SERINC5: variants seen among roughly 807,000 people sequenced by gnomAD.
The protein encoded by SERINC5 is serine incorporator 5, also known as chromosome 5 open reading frame 12.
A neutral mutation model predicts 63.1 loss-of-function variants in SERINC5; 41 were observed. The observed-to-expected ratio is 0.65, with a 90% CI of 0.51 to 0.84. SERINC5 has a LOEUF of 0.84. Ranked by LOEUF, SERINC5 falls within the 40% of genes least tolerant of loss-of-function variation. The probability of loss-of-function intolerance (pLI) is 0.00; values close to 1 mark genes in which losing one functional copy is unlikely to be tolerated. For synonymous variants in SERINC5, 222 were observed against 215.2 expected (o/e 1.03, Z -0.28); for missense variants, 523 against 573.0 (o/e 0.91, Z 0.89).
At chr5:80,152,545 G>C (rs1746256473) in intron 8 of SERINC5, among the ~76,000 whole-genome samples, 1 of 151,690 alleles carries the variant, frequency 6.6e-6, no homozygotes, top group Admixed American at 6.6e-5. Context: ...TTTTGATTTA[G>C]TACAGTGTAT....
At chr5:80,116,634 C>T (rs1424329855) in intron 11 of SERINC5, among the ~76,000 whole-genome samples, 1 of 151,934 alleles carries the variant, frequency 6.6e-6, no homozygotes, top group Non-Finnish European at 1.5e-5. Context: ...ATAAATGCCT[C>T]CTGTGGCCCT....
intron 10 of SERINC5, among the ~76,000 whole-genome samples, chr5:80,146,642 G>C (rs1270543573): frequency 6.6e-6 from 1 of 152,076 alleles, no homozygotes; most frequent in East Asian, 1.9e-4. Context: ...TTTTAGTAGA[G>C]ACAGGGTTTT....
intron 1 of SERINC5, among the ~76,000 whole-genome samples, chr5:80,220,187 G>A (rs12697906): frequency 0.13 from 20,371 of 150,898 alleles, 1,847 homozygotes; most frequent in Non-Finnish European, 0.19. Context: ...CAGCCTGGGC[G>A]ACAGAGCAAG....
Position 80,162,914 on chromosome 5 carries a change from TTGGCTAGTG to T in SERINC5, c.859+3460_859+3468del, listed in dbSNP as rs1561382918. ...GGTGCAGGGGTGCTGTAGTGCGATC[TTGGCTAGTG>T]AGCCAAGATCCCTCCCCCTCCCAGG... is the stretch of plus-strand genomic sequence containing the variant. On this transcript the variant is annotated intron_variant, in intron 7 of 11. Coordinates refer to ENST00000507668, the MANE Select transcript of SERINC5 (RefSeq NM_001174072.3). Among the ~76,000 whole-genome samples the T allele has an allele frequency of 3.6e-4, 54 of 151,962 alleles. 1 individual carries two copies. The highest frequency in any genetic ancestry group is 1.3e-3 in the African/African-American group (52 of 41,458).
At chr5:80,192,194 A>G (rs1749230839) in intron 2 of SERINC5, among the ~76,000 whole-genome samples, 1 of 152,222 alleles carries the variant, frequency 6.6e-6, no homozygotes, top group Non-Finnish European at 1.5e-5. Flanking sequence ...GGAAGAATAG[A>G]TGAGGAGTTG....
chr5:80,162,948 G>A (rs1018760253), intron 7 of SERINC5, among the ~76,000 whole-genome samples: 4 of 151,702 alleles, frequency 2.6e-5, no homozygotes, highest in Non-Finnish European at 4.4e-5. Flanking sequence ...CCCCTCCCAG[G>A]TTCAAGTGAT....
At chr5:80,217,836 T>C (rs1052899295) in intron 1 of SERINC5, among the ~76,000 whole-genome samples, 1 of 152,040 alleles carries the variant, frequency 6.6e-6, no homozygotes, top group African/African-American at 2.4e-5. Context: ...TCTAGTCCAG[T>C]CCTCCTATTT....
At chr5:80,232,878 T>C (rs1160903170) in intron 1 of SERINC5, among the ~76,000 whole-genome samples, 2 of 152,170 alleles carry the variant, frequency 1.3e-5, no homozygotes, top group Non-Finnish European at 2.9e-5. Flanking sequence ...TCCTAAAGAC[T>C]GTACATTATA....
At chr5:80,138,118 C>T (rs1745287296), downstream of SERINC5, among the ~76,000 whole-genome samples, 2 of 151,848 alleles carry the variant, frequency 1.3e-5, no homozygotes, top group South Asian at 4.2e-4. Flanking sequence ...AGTCAAACTT[C>T]CTAAGTTTGA....
chr5:80,243,138 TAAGTTC>T (rs1176325698), intron 1 of SERINC5, among the ~76,000 whole-genome samples: 1 of 152,196 alleles, frequency 6.6e-6, no homozygotes, highest in Non-Finnish European at 1.5e-5. Flanking sequence ...GCAACATTCA[TAAGTTC>T]AAGAGTCCCA....
At chr5:80,173,342 T>A (rs1580110187) in intron 5 of SERINC5, among the ~76,000 whole-genome samples, 5 of 152,116 alleles carry the variant, frequency 3.3e-5, no homozygotes. Context: ...ACGCCTGTAA[T>A]CCCAGCACTT....
At chr5:80,170,625 C>T (rs1464990581) in intron 5 of SERINC5, among the ~76,000 whole-genome samples, 3 of 152,164 alleles carry the variant, frequency 2.0e-5, no homozygotes, top group African/African-American at 7.2e-5. Context: ...TATGAACCAC[C>T]GTGGGTCAGT....
intron 1 of SERINC5, among the ~76,000 whole-genome samples, chr5:80,214,032 G>A (rs1356844140): frequency 1.3e-5 from 2 of 152,160 alleles, no homozygotes; most frequent in Non-Finnish European, 2.9e-5. Context: ...AAACCTAGAT[G>A]TCCAATAAAA....
chr5:80,141,068 C>G lies in SERINC5; in HGVS notation c.*2595G>C. On this transcript the variant is annotated 3_prime_UTR_variant, in exon 12 of 12. Coordinates refer to ENST00000507668, the MANE Select transcript of SERINC5 (RefSeq NM_001174072.3). ...GATTCTTTAAATCCAGGAATGTTGACTCCTCACCTGAGTATTGTATATCAC... is the reference window on the plus strand; with the variant it reads ...GATTCTTTAAATCCAGGAATGTTGAGTCCTCACCTGAGTATTGTATATCAC... The G allele has an allele frequency of 2.0e-6, 2 of 985,410 alleles. No individual in the cohort carries two copies. Among genetic ancestry groups the G allele is most frequent in the Non-Finnish European group, 2.4e-6 (2 of 829,902 alleles). 61.0% of individuals were successfully genotyped at this position (985,410 alleles called of 1,614,324 possible). A position where few individuals can be genotyped will look rare whatever the true frequency, so the allele number is the denominator to read the frequency against.
intron 1 of SERINC5, among the ~76,000 whole-genome samples, chr5:80,242,527 G>A (rs1294822036): frequency 2.6e-5 from 4 of 152,132 alleles, no homozygotes; most frequent in African/African-American, 9.7e-5. Context: ...CGAGGCGGGT[G>A]GATCACGAGG....
intron 5 of SERINC5, among the ~76,000 whole-genome samples, chr5:80,171,069 G>A (rs1315416216): frequency 6.6e-6 from 1 of 151,924 alleles, no homozygotes; most frequent in African/African-American, 2.4e-5. Flanking sequence ...GGAGTGCTGT[G>A]GTGTGATCTT....
intron 1 of SERINC5, among the ~76,000 whole-genome samples, chr5:80,242,254 C>T (rs1361430137): frequency 6.6e-6 from 1 of 152,086 alleles, no homozygotes; most frequent in Non-Finnish European, 1.5e-5. Flanking sequence ...AGTATAAAGA[C>T]AGATTAGTTG....
chr5:80,199,831 C>G (rs895400114), intron 2 of SERINC5, among the ~76,000 whole-genome samples: 1 of 152,076 alleles, frequency 6.6e-6, no homozygotes, highest in Admixed American at 6.5e-5. Flanking sequence ...GAGTTCCCAC[C>G]ACAGTACCAC....
intron 1 of SERINC5, among the ~76,000 whole-genome samples, chr5:80,241,227 T>C (rs750673839): frequency 1.3e-5 from 2 of 150,728 alleles, no homozygotes; most frequent in Non-Finnish European, 2.9e-5. Flanking sequence ...TCTCAGCACT[T>C]TGGGAGGCCA....
Sources: gnomAD v4.1 joint callset for allele counts (sites outside exome capture counted in the v4.1 genomes callset) on GRCh38, gnomAD v4.1.1 for gene constraint, MANE v1.5 for transcripts, NCBI Gene and HGNC (gene_info 2026-07-23, HGNC 2026-07-21) for gene names.